The following LEKR1 variants were observed in gnomAD, a reference collection of about 807,000 sequenced individuals.
The protein encoded by LEKR1 is protein LEKR1.
LEKR1 carries 59 observed loss-of-function variants against 72.4 expected under a neutral mutation model. The observed-to-expected ratio is 0.82, with a 90% CI of 0.66 to 1.01. The LOEUF (loss-of-function observed/expected upper bound fraction) is 1.01. LEKR1 is among the 50% of genes least tolerant of loss of function. The probability of loss-of-function intolerance (pLI) is 0.00; values close to 1 mark genes in which losing one functional copy is unlikely to be tolerated. For missense variants in LEKR1, 728 were observed against 759.2 expected (o/e 0.96, Z 0.48); for synonymous variants, 257 against 263.2 (o/e 0.98, Z 0.23).
In LEKR1 at chr3:157,028,240, T is replaced by C. The variant is rs748214183; in HGVS notation, c.1506T>C (p.Asn502=). Residue 502 remains asparagine, a synonymous_variant, in exon 12 of 13, where the codon AAT becomes AAC. Transcript: ENST00000356539. ...SKEKEIENLK[N]LVAEFESRLK... is the part of the protein sequence containing the mutation. ...AAAAAGAAATTGAAAATCTTAAAAA[T>C]TTGGTTGCAGAATTTGAATCTCGCT... The C allele has an allele frequency of 6.2e-7, 1 of 1,613,376 alleles. No individual in the cohort carries two copies. The highest frequency in any genetic ancestry group is 2.2e-5 in the East Asian group (1 of 44,844).
intron 2 of LEKR1, among the ~76,000 whole-genome samples, chr3:156,847,293 G>A (rs140944633): frequency 8.0e-4 from 122 of 152,268 alleles, no homozygotes; most frequent in African/African-American, 2.9e-3. Flanking sequence ...CACTGCATTT[G>A]AGAAGTTTGT....
chr3:156,938,279 G>A (rs1244298905), intron 5 of LEKR1, among the ~76,000 whole-genome samples: 1 of 152,132 alleles, frequency 6.6e-6, no homozygotes, highest in Non-Finnish European at 1.5e-5. Flanking sequence ...GGAGAAGTGA[G>A]GTGGTGTTAA....
At chr3:156,896,201 G>A (rs962676950) in intron 3 of LEKR1, among the ~76,000 whole-genome samples, 1 of 152,074 alleles carries the variant, frequency 6.6e-6, no homozygotes, top group African/African-American at 2.4e-5. Flanking sequence ...GCCTGTCAGG[G>A]GGCATGGTGA....
chr3:156,911,498 T>A (rs984400130), intron 3 of LEKR1, among the ~76,000 whole-genome samples: 1 of 152,142 alleles, frequency 6.6e-6, no homozygotes, highest in Non-Finnish European at 1.5e-5. Context: ...GCAGAAGCTC[T>A]TTAGTTTAGT....
At chr3:156,907,870 G>A (rs1412166366) in intron 3 of LEKR1, among the ~76,000 whole-genome samples, 1 of 151,818 alleles carries the variant, frequency 6.6e-6, no homozygotes, top group African/African-American at 2.4e-5. Flanking sequence ...ATTCAACCTG[G>A]AATTCCACAT....
chr3:156,988,427 G>A (rs939875343), intron 7 of LEKR1: 4 of 216,414 alleles, frequency 1.8e-5, no homozygotes, highest in African/African-American at 9.3e-5. Flanking sequence ...GCAGGCAGCT[G>A]AGTCATGGCT....
At chr3:157,008,765 CATAA>C (rs1393003302) in intron 9 of LEKR1, among the ~76,000 whole-genome samples, 1 of 152,182 alleles carries the variant, frequency 6.6e-6, no homozygotes, top group Non-Finnish European at 1.5e-5. Context: ...TTTATCTTCA[CATAA>C]ATAAAATCAT....
rs1008208173 is a variant in LEKR1 at position 156,992,672 on chromosome 3, G to A, written c.847G>A (p.Asp283Asn). The change falls in exon 8 of 13, where the codon GAT (aspartate) becomes AAT (asparagine). Residue 283 changes from aspartate to asparagine, a missense_variant. Physicochemically the swap from Asp to Asn is conservative, Grantham distance 23 (BLOSUM62 1). Transcript: ENST00000356539. ...TTTTAGGAATAAATCTAATGAAGCT[G>A]ATGACTGTCAAAGAGAACTTAAAAA... ...EMLMNKSNEADDCQRELKKLK... is the reference protein window; with the variant it reads ...EMLMNKSNEANDCQRELKKLK... 1.5e-5 allele frequency: 15 copies of A among 974,694 alleles called. No homozygotes were observed. The highest frequency in any genetic ancestry group is 4.2e-5 in the Admixed American group (1 of 23,838). 60.4% of individuals were successfully genotyped at this position (974,694 alleles called of 1,614,324 possible).
At chr3:157,039,181 G>A (rs1735176906) in intron 12 of LEKR1, among the ~76,000 whole-genome samples, 1 of 152,156 alleles carries the variant, frequency 6.6e-6, no homozygotes, top group African/African-American at 2.4e-5. Flanking sequence ...TAGAAGTGTA[G>A]GAAGAGATAG....
chr3:156,952,893 A>G (rs963667589), intron 6 of LEKR1, among the ~76,000 whole-genome samples: 16 of 151,556 alleles, frequency 1.1e-4, no homozygotes, highest in Non-Finnish European at 2.2e-4. Context: ...AGAAAGAGAG[A>G]GACAGAGAAA....
intron 3 of LEKR1, among the ~76,000 whole-genome samples, chr3:156,890,108 A>G (rs915700173): frequency 6.6e-6 from 1 of 152,220 alleles, no homozygotes; most frequent in Non-Finnish European, 1.5e-5. Context: ...ATTAAGTGCA[A>G]TGCCTGGCAC....
intron 6 of LEKR1, among the ~76,000 whole-genome samples, chr3:156,945,849 A>C (rs969041982): frequency 6.6e-6 from 1 of 151,598 alleles, no homozygotes; most frequent in African/African-American, 2.4e-5. Context: ...TTTGTTTACT[A>C]TAGCTCTGTA....
chr3:157,030,505 G>T (rs1734522534), intron 12 of LEKR1, among the ~76,000 whole-genome samples: 1 of 152,136 alleles, frequency 6.6e-6, no homozygotes, highest in Admixed American at 6.5e-5. Context: ...AGGAAAGAAT[G>T]ATCTAAACAG....
chr3:156,888,578 G>A (rs1340722451), intron 3 of LEKR1: 1 of 510,886 alleles, frequency 2.0e-6, no homozygotes, highest in Admixed American at 3.2e-5. Flanking sequence ...CTGCTTATAT[G>A]AAGAAAGAGA....
At chr3:156,853,102 ATTTG>A in intron 3 of LEKR1, 120 bp downstream of exon 3, 1 of 444,002 alleles carries the variant, frequency 2.3e-6, no homozygotes, top group South Asian at 7.8e-5. Context: ...ACTTTAATGC[ATTTG>A]TTTCTTAATT....
At chr3:156,905,270 A>C (rs1722421250) in intron 3 of LEKR1, among the ~76,000 whole-genome samples, 1 of 152,208 alleles carries the variant, frequency 6.6e-6, no homozygotes, top group African/African-American at 2.4e-5. Context: ...TTTATTATCA[A>C]TGTACAGATT....
At chr3:157,007,741 T>C (rs1049824106) in intron 9 of LEKR1, among the ~76,000 whole-genome samples, 8 of 152,256 alleles carry the variant, frequency 5.3e-5, no homozygotes, top group Middle Eastern at 3.2e-3. Flanking sequence ...TGGGCTCTCT[T>C]GTATCCTGGT....
intron 6 of LEKR1, among the ~76,000 whole-genome samples, chr3:156,953,582 A>C (rs778966996): frequency 6.6e-6 from 1 of 151,524 alleles, no homozygotes; most frequent in Non-Finnish European, 1.5e-5. Context: ...TTCAGCTCCC[A>C]CTTACAAGTG....
intron 3 of LEKR1, among the ~76,000 whole-genome samples, chr3:156,883,484 C>T (rs1400717395): frequency 6.6e-6 from 1 of 152,086 alleles, no homozygotes; most frequent in Admixed American, 6.6e-5. Flanking sequence ...TTGGAGGGGT[C>T]AGGAGTAGAA....
Sources: gnomAD v4.1 joint callset for allele counts (sites outside exome capture counted in the v4.1 genomes callset) on GRCh38, gnomAD v4.1.1 for gene constraint, MANE v1.5 for transcripts, NCBI Gene and HGNC (gene_info 2026-07-23, HGNC 2026-07-21) for gene names.